LRRC4C: variants seen among roughly 807,000 people sequenced by gnomAD.
LRRC4C encodes leucine-rich repeat-containing protein 4C.
In LRRC4C, 5 loss-of-function variants were observed where a neutral mutation model predicts 33.6. The ratio of observed to expected loss-of-function variants is 0.15; its 90% CI spans 0.08 to 0.31. The LOEUF (loss-of-function observed/expected upper bound fraction) is 0.31, where lower values mean the gene tolerates loss of function less well. Ranked by LOEUF, LRRC4C falls within the 10% of genes least tolerant of loss-of-function variation. LRRC4C has a pLI of 1.00. For synonymous variants in LRRC4C, 329 were observed against 302.0 expected, an observed-to-expected ratio of 1.09 and a Z score of -0.93; for missense variants, 560 against 796.7, an observed-to-expected ratio of 0.70 and a Z score of 3.58.
At chr11:40,796,803 T>C (rs1439294777) in intron 2 of LRRC4C, among the ~76,000 whole-genome samples, 1 of 151,980 alleles carries the variant, frequency 6.6e-6, no homozygotes, top group African/African-American at 2.4e-5. Context: ...TGCACCACGA[T>C]GCCTGGCTAA....
chr11:40,381,881 G>A (rs940381358), intron 3 of LRRC4C, among the ~76,000 whole-genome samples: 2 of 150,092 alleles, frequency 1.3e-5, no homozygotes, highest in African/African-American at 4.9e-5. Context: ...TGACTCTTAA[G>A]CTATGATTTT....
intron 5 of LRRC4C, among the ~76,000 whole-genome samples, chr11:40,169,916 C>A (rs1859908224): frequency 1.3e-5 from 2 of 152,142 alleles, no homozygotes; most frequent in African/African-American, 2.4e-5. Context: ...GGGAAGTTTT[C>A]AATTGGTCTT....
At chr11:40,751,684 A>G (rs1307827404) in intron 2 of LRRC4C, among the ~76,000 whole-genome samples, 1 of 152,144 alleles carries the variant, frequency 6.6e-6, no homozygotes, top group Non-Finnish European at 1.5e-5. Flanking sequence ...GCCCAAAGCA[A>G]TATACAAATT....
intron 3 of LRRC4C, among the ~76,000 whole-genome samples, chr11:40,630,449 A>G (rs184915289): frequency 6.9e-6 from 1 of 145,554 alleles, no homozygotes; most frequent in Admixed American, 7.0e-5. Context: ...TCAGTTTACC[A>G]CTACTACCAC....
At chr11:40,754,247 T>G (rs1373810684) in intron 2 of LRRC4C, among the ~76,000 whole-genome samples, 1 of 152,110 alleles carries the variant, frequency 6.6e-6, no homozygotes, top group Non-Finnish European at 1.5e-5. Flanking sequence ...AATACTTTAA[T>G]GGAGATGCTT....
chr11:40,853,844 T>C (rs1388407286), intron 2 of LRRC4C, among the ~76,000 whole-genome samples: 1 of 152,150 alleles, frequency 6.6e-6, no homozygotes, highest in Non-Finnish European at 1.5e-5. Flanking sequence ...ATTTTGGAGA[T>C]GTAAGTTAGG....
chr11:41,317,715 A>G (rs2137242433), intron 1 of LRRC4C, among the ~76,000 whole-genome samples: 1 of 152,312 alleles, frequency 6.6e-6, no homozygotes, highest in South Asian at 2.1e-4. Flanking sequence ...ACTAAGTAAC[A>G]TAATAGACAA....
intron 2 of LRRC4C, among the ~76,000 whole-genome samples, chr11:40,847,241 G>T (rs539874055): frequency 5.8e-4 from 88 of 152,208 alleles, no homozygotes; most frequent in African/African-American, 2.0e-3. Flanking sequence ...CAAAGGGAAT[G>T]ATTCAGCTTT....
intron 1 of LRRC4C, among the ~76,000 whole-genome samples, chr11:41,214,774 T>TATAC (rs1381399419): frequency 2.8e-5 from 4 of 143,388 alleles, no homozygotes; most frequent in Non-Finnish European, 4.5e-5. Flanking sequence ...TATATATATA[T>TATAC]ACACACATAT....
intron 1 of LRRC4C, among the ~76,000 whole-genome samples, chr11:41,127,769 A>G (rs1447326407): frequency 2.0e-5 from 3 of 152,080 alleles, no homozygotes; most frequent in Admixed American, 6.6e-5. Flanking sequence ...TAGTGCTATT[A>G]TTGAACGATG....
At chr11:40,943,075 TCA>T (rs138981043) in intron 1 of LRRC4C, among the ~76,000 whole-genome samples, 12,842 of 152,222 alleles carry the variant, frequency 0.084, 735 homozygotes, top group African/African-American at 0.15. Flanking sequence ...TTCACGAACC[TCA>T]GTTTTCTTAA....
chr11:41,153,101 A>G (rs952979796), intron 1 of LRRC4C, among the ~76,000 whole-genome samples: 1 of 152,138 alleles, frequency 6.6e-6, no homozygotes, highest in African/African-American at 2.4e-5. Context: ...GCAAGTCTGC[A>G]TCTTTCTCAT....
intron 5 of LRRC4C, among the ~76,000 whole-genome samples, chr11:40,189,516 C>A (rs558013825): frequency 3.9e-5 from 6 of 152,138 alleles, no homozygotes; most frequent in Admixed American, 3.3e-4. Context: ...ATCCCTTCTT[C>A]GAACCCTTCT....
At chr11:40,904,573 G>C (rs1353823852) in intron 2 of LRRC4C, among the ~76,000 whole-genome samples, 2 of 152,150 alleles carry the variant, frequency 1.3e-5, no homozygotes, top group Admixed American at 1.3e-4. Flanking sequence ...ATTGGTCCCT[G>C]TTATAATTCT....
chr11:40,921,870 G>A (rs1021064536), intron 2 of LRRC4C, among the ~76,000 whole-genome samples: 1 of 152,084 alleles, frequency 6.6e-6, no homozygotes, highest in Non-Finnish European at 1.5e-5. Flanking sequence ...GATCTGAGGG[G>A]AATACAACTC....
intron 1 of LRRC4C, among the ~76,000 whole-genome samples, chr11:41,082,860 G>T (rs1939682128): frequency 6.6e-6 from 1 of 151,758 alleles, no homozygotes; most frequent in East Asian, 1.9e-4. Context: ...TGAACCAGAG[G>T]TCTCAAAAAA....
chr11:40,222,883 A>G (rs576100726), intron 5 of LRRC4C, among the ~76,000 whole-genome samples: 1 of 152,294 alleles, frequency 6.6e-6, no homozygotes, highest in South Asian at 2.1e-4. Flanking sequence ...ATAAATGTGA[A>G]TAGAACAGAG....
intron 1 of LRRC4C, among the ~76,000 whole-genome samples, chr11:41,030,362 A>G (rs1490172883): frequency 6.6e-6 from 1 of 151,842 alleles, no homozygotes; most frequent in Non-Finnish European, 1.5e-5. Flanking sequence ...GCCTCAGAAG[A>G]AATCCTCAAG....
At chr11:40,482,272 G>A (rs12273081) in intron 3 of LRRC4C, among the ~76,000 whole-genome samples, 1,864 of 152,228 alleles carry the variant, frequency 0.012, 43 homozygotes, top group Admixed American at 0.036. Context: ...GAAACCTTGG[G>A]CTGGTAGTTC....
Sources: allele counts gnomAD v4.1 joint callset (sites outside exome capture counted in the v4.1 genomes callset), GRCh38; gene constraint gnomAD v4.1.1; transcripts MANE v1.5; gene names NCBI Gene and HGNC (gene_info 2026-07-23, HGNC 2026-07-21).